The following MYO1E variants were observed in gnomAD, a reference collection of about 807,000 sequenced individuals.
The protein encoded by MYO1E is unconventional myosin-Ie.
Under a neutral mutation model 151.1 loss-of-function variants are expected in MYO1E, and 68 were observed. That is an observed-to-expected ratio of 0.45 (90% CI 0.37 to 0.55). The LOEUF is 0.55. Ranked by LOEUF, MYO1E falls within the 20% of genes least tolerant of loss-of-function variation. The pLI is 0.00. For missense variants in MYO1E, 1,363 were observed against 1,389.3 expected (o/e 0.98, Z 0.30); for synonymous variants, 601 against 501.7 (o/e 1.20, Z -2.64).
intron 1 of MYO1E, among the ~76,000 whole-genome samples, chr15:59,345,917 T>C (rs1378809930): frequency 2.0e-5 from 3 of 152,264 alleles, no homozygotes; most frequent in Non-Finnish European, 4.4e-5. Context: ...TGAGGTTTTA[T>C]CCAGCAGTTG....
At chr15:59,252,504 C>T (rs1336102205) in intron 4 of MYO1E, among the ~76,000 whole-genome samples, 2 of 152,164 alleles carry the variant, frequency 1.3e-5, no homozygotes, top group Admixed American at 6.5e-5. Context: ...TACCTGAGGT[C>T]AGGAGTTTGA....
At position 59,268,613 on chromosome 15, in the gene MYO1E, C is replaced by G. The variant is rs73424963; in HGVS notation, c.147+3693G>C. Among the ~76,000 whole-genome samples, 135 of 149,916 alleles carry G rather than the reference C, an allele frequency of 9.0e-4. 1 individual carries two copies. The highest frequency in any genetic ancestry group is 3.5e-3 in the Middle Eastern group (1 of 286). ...ATGATGCCATTTTTGTTAAAATTAA[C>G]AAGAAAGCACACATATATGCATGGC... is the stretch of plus-strand genomic sequence containing the variant. On this transcript the variant is annotated intron_variant, in intron 2 of 27. Coordinates refer to ENST00000288235, the MANE Select transcript of MYO1E (RefSeq NM_004998.4).
Position 59,153,632 on chromosome 15 carries a change from T to G in MYO1E, c.3038A>C (p.Glu1013Ala). The G allele has an allele frequency of 6.2e-7, 1 of 1,614,186 alleles. No homozygotes were observed. Among genetic ancestry groups the G allele is most frequent in the Non-Finnish European group, 8.5e-7 (1 of 1,180,024 alleles). Residue 1013 changes from glutamate (E) to alanine (A), a missense_variant, in exon 26 of 28, where the codon GAG becomes GCG. By Grantham distance (107) the Glu-to-Ala change is moderately radical. Transcript: ENST00000288235. The stretch of plus-strand genomic sequence containing the variant: ...CGGGACCTTGAGGAAATCCAGGCTC[T>G]CTGGCGTCTGTGACACTCGGTCTGA... ...TSSDRVSQTP[E>A]SLDFLKVPDQ...
chr15:59,336,620 C>CT (rs1333272606), intron 1 of MYO1E, among the ~76,000 whole-genome samples: 1 of 152,010 alleles, frequency 6.6e-6, no homozygotes, highest in South Asian at 2.1e-4. Context: ...TTTAATTATA[C>CT]TTTAAGTTCT....
intron 22 of MYO1E, among the ~76,000 whole-genome samples, chr15:59,164,494 A>G (rs1325970605): frequency 6.6e-6 from 1 of 152,206 alleles, no homozygotes; most frequent in African/African-American, 2.4e-5. Context: ...CTCTGCTCTC[A>G]GAGCACCTGG....
chr15:59,169,541 A>C (rs1259484736), intron 22 of MYO1E, among the ~76,000 whole-genome samples: 4 of 152,240 alleles, frequency 2.6e-5, no homozygotes, highest in Non-Finnish European at 5.9e-5. Flanking sequence ...CACAGACATC[A>C]CAAGTTCAAA....
At chr15:59,320,600 C>CAATAAT (rs1339720345) in intron 1 of MYO1E, among the ~76,000 whole-genome samples, 2 of 152,160 alleles carry the variant, frequency 1.3e-5, no homozygotes, top group East Asian at 3.8e-4. Flanking sequence ...ACTTCCTATT[C>CAATAAT]AATAAATGGT....
At chr15:59,354,040 G>A (rs1430238767) in intron 1 of MYO1E, among the ~76,000 whole-genome samples, 1 of 152,114 alleles carries the variant, frequency 6.6e-6, no homozygotes, top group East Asian at 1.9e-4. Context: ...ACCCCCATTT[G>A]GAGAAAGCCA....
chr15:59,318,230 C>T (rs2080601623), intron 1 of MYO1E, among the ~76,000 whole-genome samples: 1 of 152,184 alleles, frequency 6.6e-6, no homozygotes, highest in African/African-American at 2.4e-5. Flanking sequence ...ACAATCCTAC[C>T]TCATTACCCA....
intron 1 of MYO1E, among the ~76,000 whole-genome samples, chr15:59,362,046 A>G (rs1266482744): frequency 6.6e-6 from 1 of 152,124 alleles, no homozygotes; most frequent in African/African-American, 2.4e-5. Flanking sequence ...TATGTTGGCT[A>G]GGCTGGTCTC....
intron 1 of MYO1E, among the ~76,000 whole-genome samples, chr15:59,333,601 C>T (rs1239922719): frequency 6.6e-6 from 1 of 152,174 alleles, no homozygotes; most frequent in Non-Finnish European, 1.5e-5. Context: ...CTACTACTAC[C>T]CACAACCCTA....
intron 15 of MYO1E, among the ~76,000 whole-genome samples, chr15:59,203,136 G>T (rs2079812201): frequency 6.6e-6 from 1 of 152,196 alleles, no homozygotes; most frequent in African/African-American, 2.4e-5. Context: ...CTTTGCTCTA[G>T]AGCAGAGTTT....
chr15:59,166,693 T>C (rs1325864570), intron 22 of MYO1E, among the ~76,000 whole-genome samples: 1 of 151,836 alleles, frequency 6.6e-6, no homozygotes. Context: ...AAGAAGAAAA[T>C]AAACCTTGCC....
chr15:59,158,747 T>TG (rs372839858), intron 24 of MYO1E, among the ~76,000 whole-genome samples: 24 of 152,244 alleles, frequency 1.6e-4, no homozygotes, highest in African/African-American at 4.6e-4. Flanking sequence ...GGTTCACTAA[T>TG]GCTGCGGATC....
rs1018767870 is a variant in MYO1E, at chr15:59,322,943, C to T, written c.3+49555G>A. Among the ~76,000 whole-genome samples the T allele has an allele frequency of 4.0e-5, 6 of 150,054 alleles. No homozygotes were observed. The East Asian group carries it at 5.9e-4, about 15-fold the overall frequency. On this transcript the variant is annotated intron_variant, in intron 1 of 27. Transcript: ENST00000288235. ...TTGGGAGGACGAGGTGGGCGGATCA[C>T]GAGGTCAGGAGATCAAGACCATCCT...
intron 25 of MYO1E, 134 bp from the exon 26 acceptor site, chr15:59,153,925 A>C: frequency 1.2e-6 from 1 of 815,182 alleles, no homozygotes. Flanking sequence ...ATTTGAAAAA[A>C]ATGGAAGGCA....
intron 3 of MYO1E, 57 bp from the exon 4 acceptor site, chr15:59,256,435 C>A: frequency 9.2e-7 from 1 of 1,087,824 alleles, no homozygotes; most frequent in Non-Finnish European, 1.3e-6. Context: ...AAAATAAAAA[C>A]AAAATCATGG....
intron 1 of MYO1E, among the ~76,000 whole-genome samples, chr15:59,282,081 T>G (rs1596399020): frequency 6.6e-6 from 1 of 152,230 alleles, no homozygotes. Flanking sequence ...ACACTGGCAT[T>G]CCCTATTGGG....
At chr15:59,286,656 C>A (rs749047997) in intron 1 of MYO1E, among the ~76,000 whole-genome samples, 1 of 152,150 alleles carries the variant, frequency 6.6e-6, no homozygotes, top group East Asian at 1.9e-4. Flanking sequence ...GGAAACAAGC[C>A]AAGCTCAGGG....
Sources: allele counts gnomAD v4.1 joint callset (sites outside exome capture counted in the v4.1 genomes callset), GRCh38; gene constraint gnomAD v4.1.1; transcripts MANE v1.5; gene names NCBI Gene and HGNC (gene_info 2026-07-23, HGNC 2026-07-21).